Variants in EXOC4 observed in about 807,000 individuals in gnomAD.
EXOC4 encodes exocyst complex component 4, also known as SEC8-like 1.
EXOC4 carries 71 observed loss-of-function variants against 107.2 expected under a neutral mutation model. That is an observed-to-expected ratio of 0.66 (90% CI 0.55 to 0.81). EXOC4 has a LOEUF of 0.81. Among genes scored for constraint, EXOC4 ranks in the 30% least tolerant of loss-of-function variants. EXOC4 has a pLI of 0.00. For missense variants in EXOC4, 1,108 were observed against 1,189.6 expected, an observed-to-expected ratio of 0.93 and a Z score of 1.01; for synonymous variants, 456 against 441.2, an observed-to-expected ratio of 1.03 and a Z score of -0.42.
downstream of EXOC4, among the ~76,000 whole-genome samples, chr7:134,066,877 G>A (rs12707135): frequency 0.78 from 118,294 of 152,084 alleles, 46,949 homozygotes; most frequent in African/African-American, 0.93. Flanking sequence ...CAAAGGTCAG[G>A]CATGGTGGCT....
intron 9 of EXOC4, among the ~76,000 whole-genome samples, chr7:133,507,029 A>G (rs923732258): frequency 4.6e-5 from 7 of 152,114 alleles, no homozygotes; most frequent in Admixed American, 2.0e-4. Context: ...GGGGACAAAG[A>G]TGATTTTTCT....
intron 1 of EXOC4, among the ~76,000 whole-genome samples, chr7:133,274,439 G>T (rs1793942910): frequency 6.6e-6 from 1 of 152,196 alleles, no homozygotes; most frequent in South Asian, 2.1e-4. Flanking sequence ...CAGCTGCAGG[G>T]CTGGCTGCTT....
In EXOC4 at chr7:133,550,074, A is replaced by C. The variant is rs76598443; in HGVS notation, c.1417+69936A>C. ...TCTCTAAAGTATATTTTTGTATTTGAATTGAAGCCATGCTTTTTGTTACAA... is the reference window on the plus strand; with the variant it reads ...TCTCTAAAGTATATTTTTGTATTTGCATTGAAGCCATGCTTTTTGTTACAA... On this transcript the variant is annotated intron_variant, in intron 9 of 17. Coordinates refer to ENST00000253861, the MANE Select transcript of EXOC4 (RefSeq NM_021807.4). Among the ~76,000 whole-genome samples the C allele has an allele frequency of 4.9e-3, 747 of 152,318 alleles. 13 individuals are homozygous for C. The highest frequency in any genetic ancestry group is 0.023 in the Admixed American group (357 of 15,296).
At chr7:133,597,190 A>G (rs1460867753) in intron 9 of EXOC4, among the ~76,000 whole-genome samples, 3 of 152,188 alleles carry the variant, frequency 2.0e-5, no homozygotes, top group African/African-American at 7.2e-5. Flanking sequence ...GGCCTCTACA[A>G]GATGGACCTT....
chr7:133,719,517 A>G (rs1403847488), intron 10 of EXOC4, among the ~76,000 whole-genome samples: 1 of 151,556 alleles, frequency 6.6e-6, no homozygotes, highest in African/African-American at 2.4e-5. Flanking sequence ...TTCGACTTCC[A>G]TCTAGTCTGC....
chr7:133,506,406 AG>A (rs1354658777), intron 9 of EXOC4, among the ~76,000 whole-genome samples: 1 of 152,146 alleles, frequency 6.6e-6, no homozygotes, highest in Admixed American at 6.5e-5. Flanking sequence ...AGGTCTGGAA[AG>A]GTATAAGAAA....
At chr7:133,900,437 G>T (rs552519467) in intron 12 of EXOC4, among the ~76,000 whole-genome samples, 1 of 152,324 alleles carries the variant, frequency 6.6e-6, no homozygotes, top group Non-Finnish European at 1.5e-5. Flanking sequence ...ACGAACAAGT[G>T]ATAAATGTCT....
intron 9 of EXOC4, among the ~76,000 whole-genome samples, chr7:133,500,345 A>T (rs1385263210): frequency 5.3e-5 from 8 of 152,310 alleles, no homozygotes; most frequent in Non-Finnish European, 8.8e-5. Context: ...TTATGTCATA[A>T]TAGATGAGCT....
intron 9 of EXOC4, among the ~76,000 whole-genome samples, chr7:133,514,901 G>A (rs1248134464): frequency 1.3e-5 from 2 of 151,990 alleles, no homozygotes; most frequent in Non-Finnish European, 2.9e-5. Context: ...TTTCATATAA[G>A]GGCATTTTAA....
intron 10 of EXOC4, among the ~76,000 whole-genome samples, chr7:133,665,715 A>G (rs1793795521): frequency 6.6e-6 from 1 of 152,146 alleles, no homozygotes; most frequent in African/African-American, 2.4e-5. Flanking sequence ...ATGATCTACA[A>G]AAATATAGCA....
chr7:133,298,069 T>G (rs1196703133), intron 3 of EXOC4, among the ~76,000 whole-genome samples: 1 of 152,174 alleles, frequency 6.6e-6, no homozygotes, highest in African/African-American at 2.4e-5. Flanking sequence ...CTGAACTTGA[T>G]GATGGTCTGA....
At chr7:134,087,649 A>G in the EXOC4 span, among the ~76,000 whole-genome samples, 1 of 152,152 alleles carries the variant, frequency 6.6e-6, no homozygotes, top group Non-Finnish European at 1.5e-5. Context: ...TACATTACCC[A>G]TGCCTCTTGT....
At chr7:133,472,253 G>C (rs1020866534) in intron 7 of EXOC4, among the ~76,000 whole-genome samples, 46 of 152,116 alleles carry the variant, frequency 3.0e-4, no homozygotes, top group Non-Finnish European at 1.6e-4. Context: ...GGACTGGAAG[G>C]GAAAGAGATG....
chr7:133,759,584 A>G (rs1206904520), intron 10 of EXOC4, among the ~76,000 whole-genome samples: 1 of 152,132 alleles, frequency 6.6e-6, no homozygotes, highest in Non-Finnish European at 1.5e-5. Context: ...TGACTAGTAA[A>G]TGGCAGAGCC....
the EXOC4 span, among the ~76,000 whole-genome samples, chr7:134,096,150 A>G: frequency 6.6e-6 from 1 of 152,226 alleles, no homozygotes; most frequent in Non-Finnish European, 1.5e-5. Flanking sequence ...GACACTTCCC[A>G]AAAGGAGGCA....
the EXOC4 span, among the ~76,000 whole-genome samples, chr7:134,074,514 A>C: frequency 6.6e-6 from 1 of 152,240 alleles, no homozygotes; most frequent in African/African-American, 2.4e-5. Context: ...ATTCATAGAA[A>C]TGGATAGAAC....
chr7:133,465,263 T>A (rs1166151094), intron 7 of EXOC4, among the ~76,000 whole-genome samples: 1 of 152,186 alleles, frequency 6.6e-6, no homozygotes, highest in Non-Finnish European at 1.5e-5. Flanking sequence ...GAAGCTATAG[T>A]TAGGAATATA....
At chr7:133,384,028 C>G (rs1370518727) in intron 7 of EXOC4, among the ~76,000 whole-genome samples, 1 of 152,114 alleles carries the variant, frequency 6.6e-6, no homozygotes, top group Admixed American at 6.6e-5. Flanking sequence ...AGCACCAGGA[C>G]TCTCCCTGTG....
At chr7:134,059,151 T>C (rs974723872) in intron 17 of EXOC4, among the ~76,000 whole-genome samples, 3 of 152,122 alleles carry the variant, frequency 2.0e-5, no homozygotes, top group African/African-American at 7.2e-5. Flanking sequence ...ACAGGCAAAG[T>C]TTATGGAACG....
Sources: allele counts gnomAD v4.1 joint callset (sites outside exome capture counted in the v4.1 genomes callset), GRCh38; gene constraint gnomAD v4.1.1; transcripts MANE v1.5; gene names NCBI Gene and HGNC (gene_info 2026-07-23, HGNC 2026-07-21).